PGM3: variants seen among roughly 807,000 people sequenced by gnomAD.
The protein encoded by PGM3 is phosphoacetylglucosamine mutase.
A neutral mutation model predicts 66.2 loss-of-function variants in PGM3; 40 were observed. The observed-to-expected ratio is 0.60, with a 90% CI of 0.47 to 0.79. The LOEUF is 0.79. PGM3 is among the 30% of genes least tolerant of loss of function. PGM3 has a pLI of 0.00. For missense variants in PGM3, 537 were observed against 643.4 expected (o/e 0.83, Z 1.79); for synonymous variants, 191 against 224.2 (o/e 0.85, Z 1.32).
At chr6:83,174,036 T>A (rs1787557232) in intron 10 of PGM3, among the ~76,000 whole-genome samples, 1 of 152,034 alleles carries the variant, frequency 6.6e-6, no homozygotes, top group Non-Finnish European at 1.5e-5. Flanking sequence ...GTGCCTGGCC[T>A]GACAACCAGT....
At chr6:83,158,500 C>T, downstream of PGM3, 1 of 1,221,702 alleles carries the variant, frequency 8.2e-7, no homozygotes, top group Non-Finnish European at 1.2e-6. Flanking sequence ...GAAAATACAA[C>T]TTAAAGATAA....
At chr6:83,161,188 A>G (rs1784151226), downstream of PGM3, 1 of 152,132 alleles carries the variant, frequency 6.6e-6, no homozygotes, top group South Asian at 2.1e-4. Flanking sequence ...CTGACTTTTT[A>G]TCTTCCATGA....
In PGM3 at chr6:83,178,680, ACTT is replaced by A. The variant is rs267608259; in HGVS notation, c.1019_1021del (p.Glu340del). 6.3e-7 allele frequency: 1 copy of A among 1,584,792 alleles called. No homozygotes were observed. Among genetic ancestry groups the A allele is most frequent in the Non-Finnish European group, 8.7e-7 (1 of 1,153,618 alleles). The stretch of plus-strand genomic sequence containing the variant: ...ACAAAAATGGTTCAATACCTTCATA[ACTT>A]CTTCAAGATACCGTGTTGAACTTCC... On this transcript the variant is annotated inframe_deletion, in exon 8 of 13. Transcript: ENST00000513973.
downstream of PGM3, among the ~76,000 whole-genome samples, chr6:83,158,902 A>G (rs1165032084): frequency 3.9e-5 from 6 of 152,228 alleles, no homozygotes; most frequent in Non-Finnish European, 8.8e-5. Context: ...TTGGTAAGTC[A>G]CATCTGGTCT....
chr6:83,156,111 A>G, the PGM3 span: 1 of 1,600,482 alleles, frequency 6.2e-7, no homozygotes, highest in South Asian at 1.1e-5. Flanking sequence ...AAGGTAAAAA[A>G]TGAAAAACCC....
the PGM3 span, chr6:83,151,957 A>G: frequency 1.2e-6 from 2 of 1,614,024 alleles, no homozygotes; most frequent in African/African-American, 2.7e-5. Flanking sequence ...CATGGCTGCG[A>G]CGAAATCTTG....
At chr6:83,159,984 A>G, downstream of PGM3, 1 of 1,610,900 alleles carries the variant, frequency 6.2e-7, no homozygotes, top group Non-Finnish European at 8.5e-7. Context: ...AGGATATTAA[A>G]TGGTTATTTT....
chr6:83,166,587 T>A lies in PGM3; in HGVS notation c.*2647A>T, dbSNP rs1017461817. ...AAAAAAGTGAGAAATATGCTTAAAA[T>A]GATGTATAACATAACCACATTTATT... On this transcript the variant is annotated 3_prime_UTR_variant, in exon 13 of 13. Transcript: ENST00000513973. The A allele has an allele frequency of 4.7e-5, 31 of 652,790 alleles. No individual in the cohort carries two copies. Among genetic ancestry groups the A allele is most frequent in the Non-Finnish European group, 7.1e-5 (28 of 396,754 alleles). 40.4% of individuals were successfully genotyped at this position (652,790 alleles called of 1,614,324 possible).
Position 83,178,690 on chromosome 6 carries a change from G to T in PGM3, c.1012C>A (p.Leu338Ile). 6.3e-7 allele frequency: 1 copy of T among 1,595,566 alleles called. No homozygotes were observed. Among genetic ancestry groups the T allele is most frequent in the Non-Finnish European group, 8.6e-7 (1 of 1,163,502 alleles). ...TTCAATACCTTCATAACTTCTTCAA[G>T]ATACCGTGTTGAACTTCCATTTGCA... ...AYANGSSTRY[L>I]EEVMKVPVYC... Residue 338 changes from leucine to isoleucine, a missense_variant, in exon 8 of 13, where the codon CTT (leucine) becomes ATT (isoleucine). Transcript: ENST00000513973.
At position 83,171,921 on chromosome 6, in the gene PGM3, A is replaced by G; in HGVS notation, c.1365+16T>C. On this transcript the variant is annotated intron_variant, in intron 11 of 12. Coordinates refer to ENST00000513973, the MANE Select transcript of PGM3 (RefSeq NM_015599.3). ...AGCTAATATTCAAAAAAGTTACTTT[A>G]AAGTTTCTCTCACACCTGAACTTTA... is the stretch of plus-strand genomic sequence containing the variant. The G allele has an allele frequency of 6.2e-7, 1 of 1,602,656 alleles. No homozygotes were observed. The highest frequency in any genetic ancestry group is 8.5e-7 in the Non-Finnish European group (1 of 1,172,204).
At chr6:83,162,975 AG>A (rs1300592275), downstream of PGM3, 74 of 1,534,146 alleles carry the variant, frequency 4.8e-5, no homozygotes, top group Non-Finnish European at 6.3e-5. Context: ...TGCATTAGTG[AG>A]GTATTTATTA....
the PGM3 span, among the ~76,000 whole-genome samples, chr6:83,149,487 C>T: frequency 6.6e-6 from 1 of 152,044 alleles, no homozygotes. Context: ...AGTACCTTGT[C>T]TGATTTGGTA....
At chr6:83,152,141 C>G in the PGM3 span, 2 of 1,248,424 alleles carry the variant, frequency 1.6e-6, no homozygotes, top group East Asian at 2.5e-5. Flanking sequence ...TCATGTCTAA[C>G]AAGTAACTTT....
chr6:83,150,470 CAAA>C, the PGM3 span, among the ~76,000 whole-genome samples: 6 of 152,192 alleles, frequency 3.9e-5, no homozygotes, highest in African/African-American at 1.4e-4. Flanking sequence ...AATGTTAAAA[CAAA>C]AAGTTGAAAG....
the PGM3 span, chr6:83,155,826 T>C: frequency 8.8e-7 from 1 of 1,141,124 alleles, no homozygotes; most frequent in South Asian, 1.7e-5. Context: ...GAGAGGGGCA[T>C]CAAGTTTTGT....
chr6:83,164,411 T>C (rs1035283335), downstream of PGM3, among the ~76,000 whole-genome samples: 3 of 151,984 alleles, frequency 2.0e-5, no homozygotes, highest in Admixed American at 2.0e-4. Context: ...GAAGCAAATA[T>C]GACCCCAGGC....
downstream of PGM3, chr6:83,164,609 C>T: frequency 6.6e-7 from 1 of 1,514,386 alleles, no homozygotes; most frequent in East Asian, 2.4e-5. Context: ...CATGGCCAAG[C>T]ATACTTTTCA....
chr6:83,182,900 G>C lies in PGM3; in HGVS notation c.536C>G (p.Thr179Ser). Reference protein sequence around the residue: ...RNTGGRYGKATIEGYYQKLSK... With the variant: ...RNTGGRYGKASIEGYYQKLSK... Reference sequence around the variant, plus strand: ...GAGTTTCTGGTAGTAACCTTCTATAGTTGCCTTTCCATATCGGCCACCCGT... The same window carrying C: ...GAGTTTCTGGTAGTAACCTTCTATACTTGCCTTTCCATATCGGCCACCCGT... The change falls in exon 5 of 13, where the codon ACT (threonine) becomes AGT (serine). Residue 179 changes from threonine (T) to serine (S), a missense_variant. Thr to Ser is a moderately conservative substitution (Grantham distance 58). Coordinates refer to ENST00000513973, the MANE Select transcript of PGM3 (RefSeq NM_015599.3). 6.2e-7 allele frequency: 1 copy of C among 1,613,988 alleles called. No individual in the cohort carries two copies.
Position 83,182,995 on chromosome 6 carries a change from A to G in PGM3, c.458-17T>C. 6.2e-7 allele frequency: 1 copy of G among 1,607,220 alleles called. No homozygotes were observed. The highest frequency in any genetic ancestry group is 8.5e-7 in the Non-Finnish European group (1 of 1,176,504). On this transcript the variant is annotated splice_polypyrimidine_tract_variant and intron_variant, in intron 4 of 12. Transcript: ENST00000513973. ...AGCCATAATCTGTCATAGAAATACA[A>G]AAAGCAATTCACCGCATTTCTTAAC...
Sources: allele counts gnomAD v4.1 joint callset (sites outside exome capture counted in the v4.1 genomes callset), GRCh38; gene constraint gnomAD v4.1.1; transcripts MANE v1.5; gene names NCBI Gene and HGNC (gene_info 2026-07-23, HGNC 2026-07-21).